Variants in VAC14 observed in about 807,000 individuals in gnomAD.
VAC14 encodes the protein VAC14 component of PIKFYVE complex.
In VAC14, 47 loss-of-function variants were observed where a neutral mutation model predicts 85.3. That is an observed-to-expected ratio of 0.55 (90% CI 0.44 to 0.70). The LOEUF (loss-of-function observed/expected upper bound fraction) is 0.70, where lower values mean the gene tolerates loss of function less well. Ranked by LOEUF, VAC14 falls within the 30% of genes least tolerant of loss-of-function variation. VAC14 has a pLI of 0.00. For synonymous variants in VAC14, 447 were observed against 430.5 expected, an observed-to-expected ratio of 1.04 and a Z score of -0.47; for missense variants, 861 against 1,004.3, an observed-to-expected ratio of 0.86 and a Z score of 1.93.
chr16:70,694,919 C>T (rs2053675140), intron 17 of VAC14, among the ~76,000 whole-genome samples: 1 of 152,220 alleles, frequency 6.6e-6, no homozygotes, highest in African/African-American at 2.4e-5. Flanking sequence ...AGAGCCAGAG[C>T]AGAGGCAGCA....
intron 13 of VAC14, among the ~76,000 whole-genome samples, chr16:70,742,939 T>C (rs149008131): frequency 0.014 from 2,075 of 152,304 alleles, 48 homozygotes; most frequent in African/African-American, 0.047. Context: ...AACACACCAA[T>C]CAGTGCTCTG....
chr16:70,769,384 A>T (rs1040069730), intron 10 of VAC14: 3 of 152,542 alleles, frequency 2.0e-5, no homozygotes, highest in Non-Finnish European at 4.4e-5. Flanking sequence ...ACTCTGCACG[A>T]TCCCACCCGT....
intron 12 of VAC14, among the ~76,000 whole-genome samples, chr16:70,749,426 G>A (rs917181986): frequency 5.9e-5 from 9 of 152,224 alleles, no homozygotes; most frequent in East Asian, 1.9e-4. Context: ...AATTAAAGCC[G>A]GAAATGTTGT....
intron 12 of VAC14, among the ~76,000 whole-genome samples, chr16:70,753,151 G>A (rs930601336): frequency 1.3e-5 from 2 of 152,170 alleles, no homozygotes; most frequent in African/African-American, 4.8e-5. Flanking sequence ...TGGGGAAAAT[G>A]ACAGAACCTA....
At chr16:70,688,442 C>A (rs1000959724) in intron 18 of VAC14, 2 of 1,003,448 alleles carry the variant, frequency 2.0e-6, no homozygotes, top group Non-Finnish European at 2.4e-6. Flanking sequence ...AGGAAGCCAG[C>A]TGGGGCCTGG....
chr16:70,690,565 C>G, intron 18 of VAC14: 1 of 985,588 alleles, frequency 1.0e-6, no homozygotes, highest in Non-Finnish European at 1.2e-6. Context: ...GGTGGGGGAG[C>G]TGAGGTCCCC....
chr16:70,790,932 T>C (rs570183311), intron 1 of VAC14, among the ~76,000 whole-genome samples: 1 of 152,354 alleles, frequency 6.6e-6, no homozygotes, highest in East Asian at 1.9e-4. Flanking sequence ...ATGGAACACG[T>C]CCTTACCAAT....
intron 13 of VAC14, among the ~76,000 whole-genome samples, chr16:70,737,539 T>C (rs572469625): frequency 3.9e-5 from 6 of 152,106 alleles, no homozygotes; most frequent in Non-Finnish European, 7.4e-5. Context: ...TGCCTTGTAT[T>C]TCTGGTTTGG....
At chr16:70,755,573 C>A (rs2031770890) in intron 12 of VAC14, among the ~76,000 whole-genome samples, 1 of 152,212 alleles carries the variant, frequency 6.6e-6, no homozygotes, top group Admixed American at 6.5e-5. Flanking sequence ...AAGATCACTC[C>A]TGGACCACCA....
chr16:70,766,584 A>T, intron 10 of VAC14: 1 of 455,572 alleles, frequency 2.2e-6, no homozygotes, highest in Non-Finnish European at 4.4e-6. Flanking sequence ...GGTACGGATG[A>T]GCAAGCCCAG....
chr16:70,705,719 G>A (rs1159359173), intron 14 of VAC14, among the ~76,000 whole-genome samples: 1 of 151,914 alleles, frequency 6.6e-6, no homozygotes, highest in Non-Finnish European at 1.5e-5. Flanking sequence ...GCCCCGCAAC[G>A]CTGCCCTCCC....
At chr16:70,777,638 C>T (rs750101318) in intron 9 of VAC14, among the ~76,000 whole-genome samples, 1 of 152,202 alleles carries the variant, frequency 6.6e-6, no homozygotes, top group Non-Finnish European at 1.5e-5. Flanking sequence ...AGTGAAGAGG[C>T]ACAGATGAGG....
At chr16:70,790,048 G>C (rs543416972) in intron 1 of VAC14, among the ~76,000 whole-genome samples, 2 of 152,314 alleles carry the variant, frequency 1.3e-5, no homozygotes, top group South Asian at 4.1e-4. Context: ...CAGTGGATGA[G>C]AGCTATTCCC....
intron 13 of VAC14, among the ~76,000 whole-genome samples, chr16:70,732,144 AAAGCC>A (rs2054609266): frequency 6.6e-6 from 1 of 152,346 alleles, no homozygotes; most frequent in Admixed American, 6.5e-5. Context: ...ACAAGAGGCA[AAAGCC>A]AAGCTCCTTT....
intron 1 of VAC14, among the ~76,000 whole-genome samples, chr16:70,794,430 A>C (rs2034459703): frequency 6.6e-6 from 1 of 152,058 alleles, no homozygotes; most frequent in Non-Finnish European, 1.5e-5. Flanking sequence ...TAATGTTTTC[A>C]AGGGGCTTTT....
chr16:70,786,961 G>C (rs573047601), intron 1 of VAC14, among the ~76,000 whole-genome samples: 2 of 152,336 alleles, frequency 1.3e-5, no homozygotes, highest in East Asian at 3.9e-4. Context: ...TCCAGGTAAA[G>C]AAAGGAAGGC....
chr16:70,709,560 C>T (rs1463644751), intron 14 of VAC14, among the ~76,000 whole-genome samples: 2 of 152,220 alleles, frequency 1.3e-5, no homozygotes, highest in East Asian at 3.8e-4. Context: ...GTTCTACCCT[C>T]CTAGGGCAAT....
At chr16:70,738,545 G>C (rs1287751153) in intron 13 of VAC14, among the ~76,000 whole-genome samples, 2 of 152,100 alleles carry the variant, frequency 1.3e-5, no homozygotes, top group Admixed American at 6.5e-5. Flanking sequence ...TGGGGCCAAA[G>C]GCAGCGAGGA....
chr16:70,695,109 C>CT (rs574700749), intron 17 of VAC14, among the ~76,000 whole-genome samples: 203 of 136,514 alleles, frequency 1.5e-3, no homozygotes, highest in African/African-American at 2.4e-3. Flanking sequence ...TCATCCCAGT[C>CT]TTTTTTTTTT....
Sources: allele counts gnomAD v4.1 joint callset (sites outside exome capture counted in the v4.1 genomes callset), GRCh38; gene constraint gnomAD v4.1.1; transcripts MANE v1.5; gene names NCBI Gene and HGNC (gene_info 2026-07-23, HGNC 2026-07-21).